The following ATG7 variants were observed in gnomAD, a reference collection of about 807,000 sequenced individuals.
ATG7 encodes ubiquitin-like modifier-activating enzyme ATG7.
Under a neutral mutation model 82.4 loss-of-function variants are expected in ATG7, and 70 were observed. That is an observed-to-expected ratio of 0.85 (90% CI 0.70 to 1.04). The LOEUF is 1.04. ATG7 is among the 50% of genes least tolerant of loss of function. ATG7 has a pLI of 0.00. For synonymous variants in ATG7, 287 were observed against 313.0 expected (o/e 0.92, Z 0.88); for missense variants, 792 against 864.3 (o/e 0.92, Z 1.05).
chr3:11,413,454 A>G (rs2081098134), intron 19 of ATG7, among the ~76,000 whole-genome samples: 1 of 152,102 alleles, frequency 6.6e-6, no homozygotes, highest in Admixed American at 6.6e-5. Context: ...TCTTCAGTTT[A>G]TATGGTGTGT....
chr3:11,279,512 TG>T (rs1302134407), intron 1 of ATG7, among the ~76,000 whole-genome samples: 12 of 152,004 alleles, frequency 7.9e-5, no homozygotes, highest in African/African-American at 2.9e-4. Flanking sequence ...AGTGAAACCT[TG>T]TCTCTACTAA....
chr3:11,388,546 A>G (rs2078501016), intron 19 of ATG7, among the ~76,000 whole-genome samples: 1 of 151,390 alleles, frequency 6.6e-6, no homozygotes, highest in East Asian at 2.0e-4. Context: ...CTCCTGCCTC[A>G]GCGTCCCAAG....
chr3:11,572,805 C>A, the ATG7 span, among the ~76,000 whole-genome samples: 65 of 152,174 alleles, frequency 4.3e-4, no homozygotes, highest in Non-Finnish European at 1.5e-4. Context: ...CATACGAATA[C>A]ACCACTGCAT....
intron 18 of ATG7, among the ~76,000 whole-genome samples, chr3:11,373,045 T>C (rs180957907): frequency 6.6e-6 from 1 of 151,426 alleles, no homozygotes; most frequent in Admixed American, 6.6e-5. Flanking sequence ...TTTATCGTTT[T>C]TATTACAGAA....
chr3:11,565,156 G>A, the ATG7 span: 1 of 897,220 alleles, frequency 1.1e-6, no homozygotes, highest in Non-Finnish European at 1.5e-6. The surrounding 1 kb of genome is among the most constrained non-coding windows in gnomAD (Gnocchi z 4.1). Flanking sequence ...AGCACGATGA[G>A]GAGCCGGTTG....
At chr3:11,486,129 G>C (rs1330497134) in intron 20 of ATG7, among the ~76,000 whole-genome samples, 2 of 152,080 alleles carry the variant, frequency 1.3e-5, no homozygotes, top group African/African-American at 4.8e-5. Flanking sequence ...AAATTACCTT[G>C]GGCAGTATGG....
intron 20 of ATG7, among the ~76,000 whole-genome samples, chr3:11,497,608 G>C (rs2090958026): frequency 6.7e-6 from 1 of 149,848 alleles, no homozygotes. Flanking sequence ...TATCTCACTT[G>C]GATGTTATTC....
At position 11,522,840 on chromosome 3, in the gene ATG7, C is replaced by T. The variant is rs77111310; in HGVS notation, c.2080-31971C>T. Among the ~76,000 whole-genome samples, 311 of 152,272 alleles carry T rather than the reference C, an allele frequency of 2.0e-3. 1 individual carries two copies. The highest frequency in any genetic ancestry group is 7.2e-3 in the African/African-American group (301 of 41,542). ...CATGCATGCTGTTTTGATTTAGTGT[C>T]TGAAGGCTTCCTTTCACAAATTAGT... On this transcript the variant is annotated intron_variant, in intron 20 of 20. Transcript: ENST00000693202.
the ATG7 span, among the ~76,000 whole-genome samples, chr3:11,570,513 A>G: frequency 6.6e-6 from 1 of 152,114 alleles, no homozygotes; most frequent in Non-Finnish European, 1.5e-5. Flanking sequence ...CCCACGCCCT[A>G]ATCTCCTTGG....
At chr3:11,509,250 C>G (rs888756932) in intron 20 of ATG7, among the ~76,000 whole-genome samples, 1 of 152,194 alleles carries the variant, frequency 6.6e-6, no homozygotes, top group Non-Finnish European at 1.5e-5. Context: ...TAGAGGCCAA[C>G]TTGGTTGGCT....
intron 20 of ATG7, among the ~76,000 whole-genome samples, chr3:11,515,297 C>CATGTGTGTGTAT (rs1553704986): frequency 1.3e-5 from 2 of 151,216 alleles, no homozygotes; most frequent in African/African-American, 4.9e-5. Context: ...GTCTCTTGCG[C>CATGTGTGTGTAT]GTGTGTGTGT....
chr3:11,543,454 T>A (rs1044578979), intron 20 of ATG7, among the ~76,000 whole-genome samples: 1 of 152,196 alleles, frequency 6.6e-6, no homozygotes, highest in African/African-American at 2.4e-5. Flanking sequence ...AGAGCTGAGT[T>A]TGGGGCAATG....
At chr3:11,329,197 C>T (rs1951296872) in intron 9 of ATG7, among the ~76,000 whole-genome samples, 1 of 152,150 alleles carries the variant, frequency 6.6e-6, no homozygotes, top group Non-Finnish European at 1.5e-5. Context: ...AGAATAAGTT[C>T]ATGGGCAGTT....
At chr3:11,319,159 G>A (rs1027139705) in intron 9 of ATG7, among the ~76,000 whole-genome samples, 31 of 152,166 alleles carry the variant, frequency 2.0e-4, no homozygotes, top group African/African-American at 7.2e-4. Flanking sequence ...GGCTTTTGCC[G>A]GGGGCAGGGC....
chr3:11,475,976 T>C (rs866514333), intron 20 of ATG7, among the ~76,000 whole-genome samples: 15 of 151,880 alleles, frequency 9.9e-5, no homozygotes, highest in Middle Eastern at 6.8e-3. Flanking sequence ...AATGTTTACA[T>C]TGGGGAAAAA....
chr3:11,423,978 G>A (rs982132260), intron 19 of ATG7, among the ~76,000 whole-genome samples: 14 of 152,046 alleles, frequency 9.2e-5, no homozygotes, highest in Non-Finnish European at 1.3e-4. Flanking sequence ...TCTCTTCTCC[G>A]ACTCTCTGCA....
chr3:11,312,173 C>T (rs73015741), intron 7 of ATG7, among the ~76,000 whole-genome samples: 1,897 of 151,868 alleles, frequency 0.012, 28 homozygotes, highest in South Asian at 0.069. Flanking sequence ...TTTTATGGAA[C>T]GTAAATTATA....
chr3:11,334,953 C>CAAAA (rs57211483), intron 11 of ATG7, among the ~76,000 whole-genome samples: 13 of 119,602 alleles, frequency 1.1e-4, no homozygotes, highest in African/African-American at 3.4e-4. Context: ...GACTCTGTCT[C>CAAAA]AAAAAAAAAA....
chr3:11,522,442 TC>T (rs1477818213), intron 20 of ATG7, among the ~76,000 whole-genome samples: 11 of 151,730 alleles, frequency 7.2e-5, no homozygotes, highest in African/African-American at 2.2e-4. Flanking sequence ...ACTGGGGAAT[TC>T]CGGAATAAGC....
Sources: allele counts gnomAD v4.1 joint callset (sites outside exome capture counted in the v4.1 genomes callset), GRCh38; gene constraint gnomAD v4.1.1; non-coding constraint Gnocchi (gnomAD v3.1); transcripts MANE v1.5; gene names NCBI Gene and HGNC (gene_info 2026-07-23, HGNC 2026-07-21).